The following OTOG variants were observed in gnomAD, a reference collection of about 807,000 sequenced individuals.
OTOG encodes the protein otogelin.
Under a neutral mutation model 313.8 loss-of-function variants are expected in OTOG, and 296 were observed. That is an observed-to-expected ratio of 0.94 (90% confidence interval 0.86 to 1.04). The LOEUF (loss-of-function observed/expected upper bound fraction) is 1.04, where lower values mean the gene tolerates loss of function less well. Among genes scored for constraint, OTOG ranks in the 50% least tolerant of loss-of-function variants. OTOG has a pLI of 0.00. For missense variants in OTOG, 3,948 were observed against 3,840.1 expected (o/e 1.03, Z -0.74); for synonymous variants, 1,533 against 1,554.9 (o/e 0.99, Z 0.33).
chr11:17,610,217 G>T lies in OTOG; in HGVS notation c.4917G>T (p.Leu1639Phe), dbSNP rs775349960. 7 of 1,550,394 alleles carry T rather than the reference G, an allele frequency of 4.5e-6. No individual in the cohort carries two copies. In the South Asian group the frequency reaches 8.3e-5, roughly 18 times the overall value. ...GGACGACACCCCCACAGCCCTCCTT[G>T]ACAGCAAGTCCCTCCTCCAGACCTG... ...PVRTTPPQPSLTASPSSRPVA... is the reference protein window; with the variant it reads ...PVRTTPPQPSFTASPSSRPVA... Residue 1639 changes from leucine (L) to phenylalanine (F), a missense_variant, in exon 36 of 56, where the codon TTG becomes TTT. Coordinates refer to ENST00000399397, the MANE Select transcript of OTOG (RefSeq NM_001292063.2).
intron 31 of OTOG, among the ~76,000 whole-genome samples, chr11:17,601,505 G>T: frequency 6.6e-6 from 1 of 151,788 alleles, no homozygotes; most frequent in African/African-American, 2.4e-5. Flanking sequence ...AGGTGGGCAG[G>T]GGCTGAGGGC....
chr11:17,613,821 C>A (rs928099915), intron 39 of OTOG, 120 bp downstream of exon 39: 3 of 756,478 alleles, frequency 4.0e-6, no homozygotes, highest in East Asian at 2.7e-5. Context: ...GGGGAGGGGA[C>A]CTTTTTTTAG....
chr11:17,625,273 G>T (rs1445856736), intron 39 of OTOG, among the ~76,000 whole-genome samples: 1 of 152,156 alleles, frequency 6.6e-6, no homozygotes, highest in African/African-American at 2.4e-5. Flanking sequence ...TGTCCATTCA[G>T]TGTTGTTGGC....
At chr11:17,632,657 G>A (rs1175687011) in intron 42 of OTOG, among the ~76,000 whole-genome samples, 1 of 152,002 alleles carries the variant, frequency 6.6e-6, no homozygotes, top group African/African-American at 2.4e-5. Flanking sequence ...CTTCCTTTTT[G>A]CTCACGTTTC....
At chr11:17,621,595 GCTCTCTCT>G (rs149883551) in intron 39 of OTOG, among the ~76,000 whole-genome samples, 1 of 148,800 alleles carries the variant, frequency 6.7e-6, no homozygotes, top group South Asian at 2.1e-4. Context: ...AAGCTTCAGA[GCTCTCTCT>G]CTCTCTCTCT....
intron 32 of OTOG, among the ~76,000 whole-genome samples, chr11:17,605,636 G>C (rs946368937): frequency 6.6e-6 from 1 of 152,152 alleles, no homozygotes; most frequent in African/African-American, 2.4e-5. Context: ...TAGCAGCTGG[G>C]GGGTCTCTAA....
chr11:17,644,068 G>A (rs1055195616), intron 54 of OTOG, among the ~76,000 whole-genome samples: 6 of 152,246 alleles, frequency 3.9e-5, no homozygotes, highest in Non-Finnish European at 5.9e-5. Context: ...GATCTCTGGG[G>A]GCAAGGGAGG....
At chr11:17,560,927 A>G (rs1589999655) in intron 13 of OTOG, 110 bp downstream of exon 13, 1 of 1,179,194 alleles carries the variant, frequency 8.5e-7, no homozygotes, top group Non-Finnish European at 1.2e-6. Flanking sequence ...CTCACTCAGT[A>G]CCTTTGAGTC....
intron 23 of OTOG, among the ~76,000 whole-genome samples, chr11:17,580,263 C>G (rs1852636206): frequency 6.6e-6 from 1 of 152,260 alleles, no homozygotes; most frequent in Admixed American, 6.5e-5. Flanking sequence ...AGCACAGACT[C>G]AGGAGTCAAG....
chr11:17,580,208 G>A (rs1212542476), intron 23 of OTOG, among the ~76,000 whole-genome samples: 6 of 152,188 alleles, frequency 3.9e-5, no homozygotes, highest in African/African-American at 1.4e-4. Flanking sequence ...TTGAATCTGG[G>A]GTCTGGCCAA....
chr11:17,641,049 G>C lies in OTOG; in HGVS notation c.8148G>C (p.Gln2716His). ...TVLDPLTNFY[Q>H]INTTSVLCDI... ...TCGACCCTCTCACCAACTTCTACCA[G>C]ATCAACACCACCTCCGTGCTCTGTG... is the stretch of plus-strand genomic sequence containing the variant. Residue 2716 changes from glutamine (Q) to histidine (H), a missense_variant, in exon 51 of 56, where the codon CAG (glutamine) becomes CAC (histidine). Gln to His is a conservative substitution (Grantham distance 24). Transcript: ENST00000399397. 7.7e-7 allele frequency: 1 copy of C among 1,306,364 alleles called. No homozygotes were observed. Among genetic ancestry groups the C allele is most frequent in the Non-Finnish European group, 1.0e-6 (1 of 996,836 alleles). The allele number at this position is 1,306,364 out of a possible 1,614,324, so 80.9% of individuals were successfully genotyped here.
chr11:17,642,149 A>G lies in OTOG; in HGVS notation c.8318A>G (p.Asp2773Gly). Residue 2773 changes from aspartate to glycine, a missense_variant, in exon 53 of 56, where the codon GAC becomes GGC. By Grantham distance (94) the Asp-to-Gly change is moderately conservative. Coordinates refer to ENST00000399397, the MANE Select transcript of OTOG (RefSeq NM_001292063.2). ...CAGCCCGGGGCATCCTGGATCGCAGACTGCGCCCGCCACCACTGCAGCAGC... is the reference window on the plus strand; with the variant it reads ...CAGCCCGGGGCATCCTGGATCGCAGGCTGCGCCCGCCACCACTGCAGCAGC... ...LFLPGASWIA[D>G]CARHHCSSTP... The G allele has an allele frequency of 3.2e-6, 5 of 1,547,716 alleles. No homozygotes were observed. Among genetic ancestry groups the G allele is most frequent in the Middle Eastern group, 1.7e-4 (1 of 5,976 alleles).
intron 39 of OTOG, among the ~76,000 whole-genome samples, chr11:17,623,300 C>A (rs1369300276): frequency 1.3e-5 from 2 of 152,110 alleles, no homozygotes; most frequent in Non-Finnish European, 2.9e-5. Flanking sequence ...TTCCTCCCAC[C>A]TGACACCCTC....
Position 17,559,639 on chromosome 11 carries a change from T to C in OTOG, c.1319T>C (p.Val440Ala). 6.4e-7 allele frequency: 1 copy of C among 1,550,856 alleles called. No individual in the cohort carries two copies. Among genetic ancestry groups the C allele is most frequent in the Non-Finnish European group, 8.7e-7 (1 of 1,147,048 alleles). Residue 440 changes from valine to alanine, a missense_variant, in exon 12 of 56, where the codon GTG becomes GCG. Coordinates refer to ENST00000399397, the MANE Select transcript of OTOG (RefSeq NM_001292063.2). ...ASCVDSEIAC[V>A]DGCYCPNGLI... ...TGTGTGGACAGTGAGATCGCCTGTG[T>C]GGACGGCTGCTATTGCCCCAATGGT...
At position 17,558,190 on chromosome 11, in the gene OTOG, C is replaced by G; in HGVS notation, c.871C>G (p.Leu291Val). 6.4e-7 allele frequency: 1 copy of G among 1,550,582 alleles called. No individual in the cohort carries two copies. Among genetic ancestry groups the G allele is most frequent in the Non-Finnish European group, 8.7e-7 (1 of 1,146,996 alleles). ...ATGTCAGCTCCCTCCTCCAGGGAAG[C>G]TGACTGACGACGTGGTTGAGTTTGT... The part of the protein sequence containing the change: ...KDDLVTSSGK[L>V]TDDVVEFVHS... Residue 291 changes from leucine (L) to valine (V), a missense_variant, in exon 9 of 56, where the codon CTG (leucine) becomes GTG (valine). Leu to Val is a conservative substitution (Grantham distance 32). Coordinates refer to ENST00000399397, the MANE Select transcript of OTOG (RefSeq NM_001292063.2).
intron 39 of OTOG, among the ~76,000 whole-genome samples, chr11:17,618,903 C>G (rs1163757527): frequency 6.6e-6 from 1 of 152,040 alleles, no homozygotes; most frequent in Non-Finnish European, 1.5e-5. Context: ...GCGTGTATAC[C>G]TAATATGTAT....
intron 39 of OTOG, 128 bp downstream of exon 39, chr11:17,613,829 T>A (rs940405353): frequency 1.4e-5 from 10 of 708,574 alleles, no homozygotes; most frequent in African/African-American, 1.2e-4. Context: ...GACCTTTTTT[T>A]AGAAAATAAT....
chr11:17,617,393 C>A (rs1853747010), intron 39 of OTOG, among the ~76,000 whole-genome samples: 1 of 152,048 alleles, frequency 6.6e-6, no homozygotes, highest in Non-Finnish European at 1.5e-5. Context: ...AATATTTATT[C>A]CTTAAACATT....
chr11:17,630,156 C>T (rs565079833), intron 40 of OTOG, among the ~76,000 whole-genome samples: 1 of 152,282 alleles, frequency 6.6e-6, no homozygotes, highest in African/African-American at 2.4e-5. Flanking sequence ...ATGTACCAGT[C>T]GCTGGGGACA....
Sources: allele counts gnomAD v4.1 joint callset (sites outside exome capture counted in the v4.1 genomes callset), GRCh38; gene constraint gnomAD v4.1.1; transcripts MANE v1.5; gene names NCBI Gene and HGNC (gene_info 2026-07-23, HGNC 2026-07-21).